DAPK1: variants seen among roughly 807,000 people sequenced by gnomAD.
DAPK1 encodes death-associated protein kinase 1.
A neutral mutation model predicts 144.9 loss-of-function variants in DAPK1; 56 were observed. The ratio of observed to expected loss-of-function variants is 0.39; its 90% confidence interval spans 0.31 to 0.48. DAPK1 has a LOEUF of 0.48. Ranked by LOEUF, DAPK1 falls within the 20% of genes least tolerant of loss-of-function variation. The pLI is 0.95. For synonymous variants in DAPK1, 690 were observed against 749.0 expected, an observed-to-expected ratio of 0.92 and a Z score of 1.29; for missense variants, 1,454 against 1,875.4, an observed-to-expected ratio of 0.78 and a Z score of 4.15.
At chr9:87,672,522 T>C (rs972524357) in intron 19 of DAPK1, among the ~76,000 whole-genome samples, 36 of 152,118 alleles carry the variant, frequency 2.4e-4, no homozygotes, top group African/African-American at 8.5e-4. Flanking sequence ...CCACCTGCTT[T>C]GTAGTGCACA....
At position 87,686,366 on chromosome 9, in the gene DAPK1, G is replaced by A. The variant is rs1824852813; in HGVS notation, c.2225-185G>A. Among the ~76,000 whole-genome samples, 1 of 152,188 alleles carries A rather than the reference G, an allele frequency of 6.6e-6. No homozygotes were observed. Among genetic ancestry groups the A allele is most frequent in the Non-Finnish European group, 1.5e-5 (1 of 68,030 alleles). ...GTGGGGAGGTAGAGCAAGCGGAAAA[G>A]CCCACAGCCTTGCTGGGAACACTGC... On this transcript the variant is annotated intron_variant, in intron 20 of 25. Coordinates refer to ENST00000408954, the MANE Select transcript of DAPK1 (RefSeq NM_004938.4). The surrounding 1 kb of genome is among the most constrained non-coding windows in gnomAD (Gnocchi z 4.2).
intron 3 of DAPK1, among the ~76,000 whole-genome samples, chr9:87,635,362 A>G (rs1471184837): frequency 2.0e-5 from 3 of 152,050 alleles, no homozygotes; most frequent in Non-Finnish European, 4.4e-5. Context: ...TGAAAAATGC[A>G]TCTCTGTACT....
intron 2 of DAPK1, among the ~76,000 whole-genome samples, chr9:87,534,256 T>TG (rs1554678276): frequency 6.6e-4 from 21 of 31,976 alleles, no homozygotes; most frequent in East Asian, 3.9e-3. Flanking sequence ...GTTTTTTTTT[T>TG]TGTTTTTTTT....
chr9:87,660,134 C>T (rs929334259), intron 18 of DAPK1, among the ~76,000 whole-genome samples: 37 of 152,270 alleles, frequency 2.4e-4, no homozygotes, highest in Non-Finnish European at 3.4e-4. Context: ...CGGAGCTCAG[C>T]GGCCTCCAGT....
chr9:87,652,659 A>G (rs1340573588), intron 17 of DAPK1, among the ~76,000 whole-genome samples: 23 of 119,820 alleles, frequency 1.9e-4, no homozygotes, highest in Non-Finnish European at 3.5e-4. Flanking sequence ...TTCTGTGTCC[A>G]TGCCCCCGAT....
chr9:87,531,746 T>C (rs776199777), intron 2 of DAPK1, among the ~76,000 whole-genome samples: 2 of 152,202 alleles, frequency 1.3e-5, no homozygotes. Context: ...AGTTCAATTA[T>C]TGTGTCTTAT....
chr9:87,501,685 A>G (rs1210286624), intron 2 of DAPK1, among the ~76,000 whole-genome samples: 1 of 152,280 alleles, frequency 6.6e-6, no homozygotes, highest in Non-Finnish European at 1.5e-5. Context: ...GAAGTAGAGT[A>G]CAAGTATTAT....
At chr9:87,552,325 G>A (rs62563493) in intron 2 of DAPK1, among the ~76,000 whole-genome samples, 50,822 of 152,044 alleles carry the variant, frequency 0.33, 8,766 homozygotes, top group Middle Eastern at 0.51. Flanking sequence ...ATCTTAAAGA[G>A]GACAAGGGAG....
intron 3 of DAPK1, among the ~76,000 whole-genome samples, chr9:87,611,945 C>A (rs936318228): frequency 3.9e-5 from 6 of 152,156 alleles, no homozygotes; most frequent in African/African-American, 1.4e-4. Flanking sequence ...AGACCACAGA[C>A]TGGGTAATTT....
chr9:87,550,995 C>G (rs1485831705), intron 2 of DAPK1, among the ~76,000 whole-genome samples: 4 of 152,220 alleles, frequency 2.6e-5, no homozygotes, highest in Non-Finnish European at 5.9e-5. Context: ...GGATGGTCCT[C>G]TGAAGGCAGA....
chr9:87,534,273 G>A (rs1029622852), intron 2 of DAPK1, among the ~76,000 whole-genome samples: 49 of 127,256 alleles, frequency 3.9e-4, no homozygotes, highest in African/African-American at 1.4e-3. Context: ...TTTTTTTAAC[G>A]CTGCCATGCT....
chr9:87,622,303 G>T (rs971043844), intron 3 of DAPK1, among the ~76,000 whole-genome samples: 1 of 151,988 alleles, frequency 6.6e-6, no homozygotes, highest in African/African-American at 2.4e-5. Context: ...TGAATCCTTC[G>T]TAGGTGTGAC....
intron 18 of DAPK1, among the ~76,000 whole-genome samples, chr9:87,666,777 A>G (rs1014380160): frequency 2.0e-5 from 3 of 152,118 alleles, no homozygotes; most frequent in Admixed American, 6.6e-5. Context: ...CCTGGCTGTG[A>G]GGAAGTATTG....
chr9:87,541,252 A>G (rs1430238759), intron 2 of DAPK1, among the ~76,000 whole-genome samples: 3 of 152,144 alleles, frequency 2.0e-5, no homozygotes, highest in African/African-American at 7.2e-5. Context: ...TCAGCACTTT[A>G]AAGAATGATG....
At chr9:87,655,354 G>C (rs1157298692) in intron 17 of DAPK1, among the ~76,000 whole-genome samples, 1 of 151,822 alleles carries the variant, frequency 6.6e-6, no homozygotes, top group Non-Finnish European at 1.5e-5. Flanking sequence ...GGCTTGTTTT[G>C]CTATTTTTTT....
chr9:87,621,753 T>G (rs1829301290), intron 3 of DAPK1, among the ~76,000 whole-genome samples: 1 of 152,158 alleles, frequency 6.6e-6, no homozygotes, highest in South Asian at 2.1e-4. Context: ...TGCTAATAGT[T>G]TCTCATCTGA....
intron 3 of DAPK1, chr9:87,632,888 G>A (rs1372143545): frequency 1.8e-5 from 17 of 923,580 alleles, no homozygotes; most frequent in African/African-American, 2.0e-5. Flanking sequence ...ATACATGTAG[G>A]GATGAAGGAG....
At chr9:87,663,245 C>T (rs181930880) in intron 18 of DAPK1, among the ~76,000 whole-genome samples, 1 of 152,288 alleles carries the variant, frequency 6.6e-6, no homozygotes, top group East Asian at 1.9e-4. Context: ...AGCTTTCCTT[C>T]TAAACTGTCT....
intron 2 of DAPK1, among the ~76,000 whole-genome samples, chr9:87,509,671 G>T (rs186735663): frequency 6.6e-6 from 1 of 152,278 alleles, no homozygotes; most frequent in African/African-American, 2.4e-5. Context: ...TCCTGCCAGC[G>T]TTTTCTTCTG....
Sources: gnomAD v4.1 joint callset for allele counts (sites outside exome capture counted in the v4.1 genomes callset) on GRCh38, gnomAD v4.1.1 for gene constraint, Gnocchi (gnomAD v3.1) non-coding constraint, MANE v1.5 for transcripts, NCBI Gene and HGNC (gene_info 2026-07-23, HGNC 2026-07-21) for gene names.